The following KSR1 variants were observed in gnomAD, a reference collection of about 807,000 sequenced individuals.
KSR1 encodes kinase suppressor of ras.
In KSR1, 35 loss-of-function variants were observed where a neutral mutation model predicts 92.9. The ratio of observed to expected loss-of-function variants is 0.38; its 90% confidence interval spans 0.29 to 0.50. The LOEUF (loss-of-function observed/expected upper bound fraction) is 0.50, where lower values mean the gene tolerates loss of function less well. Among genes scored for constraint, KSR1 ranks in the 20% least tolerant of loss-of-function variants. The pLI, the probability that KSR1 is intolerant of heterozygous loss-of-function variation, is 0.94. For missense variants in KSR1, 972 were observed against 1,158.5 expected (o/e 0.84, Z 2.34); for synonymous variants, 467 against 472.6 (o/e 0.99, Z 0.15).
chr17:27,479,014 G>T (rs1461394518), intron 1 of KSR1, among the ~76,000 whole-genome samples: 3 of 148,730 alleles, frequency 2.0e-5, no homozygotes, highest in Non-Finnish European at 4.5e-5. Flanking sequence ...CTCCCTCTGT[G>T]CTCTTCCCTC....
intron 16 of KSR1, 62 bp downstream of exon 16, chr17:27,609,391 G>C: frequency 6.3e-7 from 1 of 1,594,726 alleles, no homozygotes; most frequent in Non-Finnish European, 8.6e-7. Context: ...GCAGGGCTGA[G>C]GTCTGGGCAC....
chr17:27,514,933 A>G (rs1428086653), intron 1 of KSR1, among the ~76,000 whole-genome samples: 2 of 152,204 alleles, frequency 1.3e-5, no homozygotes, highest in Admixed American at 1.3e-4. Flanking sequence ...GGAAGTACCA[A>G]GCAATAGGCT....
Position 27,553,989 on chromosome 17 carries a change from C to T in KSR1, c.372+3281C>T, listed in dbSNP as rs147853262. ...CTGTTTCTTAACCCAGACAGTTCTTCGGACTCTGACTCGATACCCACTGCT... is the reference window on the plus strand; with the variant it reads ...CTGTTTCTTAACCCAGACAGTTCTTTGGACTCTGACTCGATACCCACTGCT... On this transcript the variant is annotated intron_variant, in intron 2 of 20. Transcript: ENST00000644974. 7.0e-3 allele frequency among the ~76,000 whole-genome samples: 1,070 copies of T among 152,272 alleles called. 9 individuals are homozygous for T. The highest frequency in any genetic ancestry group is 0.012 in the Non-Finnish European group (830 of 68,018).
At chr17:27,590,171 A>G (rs922285432) in intron 6 of KSR1, among the ~76,000 whole-genome samples, 1 of 152,212 alleles carries the variant, frequency 6.6e-6, no homozygotes, top group African/African-American at 2.4e-5. Context: ...CAGTGCTACC[A>G]TCCAGTGGTT....
intron 1 of KSR1, among the ~76,000 whole-genome samples, chr17:27,457,397 A>G (rs2019228103): frequency 6.6e-6 from 1 of 152,134 alleles, no homozygotes; most frequent in African/African-American, 2.4e-5. Context: ...GTGTTGCTGA[A>G]ACTGCATTTT....
chr17:27,566,259 C>A (rs770648609), intron 2 of KSR1: 27 of 384,596 alleles, frequency 7.0e-5, no homozygotes, highest in Non-Finnish European at 1.1e-4. Context: ...CCTGCTGGAG[C>A]CTGCACATCT....
At position 27,623,482 on chromosome 17, in the gene KSR1, C is replaced by T. The variant is rs928191940; in HGVS notation, c.*90C>T. On this transcript the variant is annotated 3_prime_UTR_variant, in exon 21 of 21. Coordinates refer to ENST00000644974, the MANE Select transcript of KSR1 (RefSeq NM_001394583.1). ...CAACCACCACGACAAAAAAACACTG[C>T]CTGCCCAGCGCTGCAAACCAGGAGC... 2 of 702,712 alleles carry T rather than the reference C, an allele frequency of 2.8e-6. No homozygotes were observed. Among genetic ancestry groups the T allele is most frequent in the African/African-American group, 3.5e-5 (2 of 57,080 alleles). 43.5% of individuals were successfully genotyped at this position (702,712 alleles called of 1,614,324 possible). A position where few individuals can be genotyped will look rare whatever the true frequency, so the allele number is the denominator to read the frequency against.
chr17:27,611,260 C>T lies in KSR1; in HGVS notation c.2358-234C>T, dbSNP rs1331145420. The T allele has an allele frequency of 5.7e-6, 3 of 528,130 alleles. No individual in the cohort carries two copies. The African/African-American group carries it at 5.7e-5, about 10-fold the overall frequency. 32.7% of individuals were successfully genotyped at this position (528,130 alleles called of 1,614,324 possible). On this transcript the variant is annotated intron_variant, in intron 17 of 20. Transcript: ENST00000644974. ...GCTGAGGTCAGAATGACCACCAAGG[C>T]TCCGGTCAAACCTGCGCTGTCTCAG...
Position 27,625,508 on chromosome 17 carries a change from C to T in KSR1, c.*2116C>T, listed in dbSNP as rs1431105666. 2 of 152,228 alleles carry T rather than the reference C, an allele frequency of 1.3e-5. No individual in the cohort carries two copies. The highest frequency in any genetic ancestry group is 1.3e-4 in the Admixed American group (2 of 15,290). The allele number at this position is 152,228 out of a possible 1,614,324, so 9.4% of individuals were successfully genotyped here. ...GTGGGGCCCTGTTGTCTTCAAGGAA[C>T]CCAGAAGCCACTGGGCCCCAAAGGT... On this transcript the variant is annotated 3_prime_UTR_variant, in exon 21 of 21. Transcript: ENST00000644974.
intron 1 of KSR1, among the ~76,000 whole-genome samples, chr17:27,478,356 T>C (rs185788998): frequency 2.2e-4 from 33 of 152,320 alleles, no homozygotes; most frequent in Admixed American, 5.9e-4. Flanking sequence ...TTATTTTGCT[T>C]TTCTGGGTTC....
intron 1 of KSR1, among the ~76,000 whole-genome samples, chr17:27,530,378 G>A (rs572071662): frequency 1.3e-4 from 20 of 151,984 alleles, no homozygotes; most frequent in Admixed American, 1.2e-3. Context: ...CTGGGAGGTC[G>A]AGGCTACACT....
intron 1 of KSR1, among the ~76,000 whole-genome samples, chr17:27,465,879 C>A (rs931037922): frequency 2.6e-5 from 4 of 152,002 alleles, no homozygotes; most frequent in African/African-American, 4.8e-5. Flanking sequence ...AAAAAAGCCA[C>A]CTGAATGTTC....
chr17:27,504,417 A>G (rs2069301798), intron 1 of KSR1, among the ~76,000 whole-genome samples: 1 of 152,076 alleles, frequency 6.6e-6, no homozygotes, highest in African/African-American at 2.4e-5. Context: ...GAGTTGGGAT[A>G]TGGGGGGGAG....
chr17:27,615,694 A>G (rs2074036101), intron 18 of KSR1, among the ~76,000 whole-genome samples: 1 of 152,026 alleles, frequency 6.6e-6, no homozygotes. Flanking sequence ...TTTTCTTTTC[A>G]TTCACTCCTG....
rs369132413 is a variant in KSR1 at position 27,526,070 on chromosome 17, C to CTATT, written c.232-24497_232-24496insATTT. Among the ~76,000 whole-genome samples the CTATT allele has an allele frequency of 6.1e-5, 5 of 81,412 alleles. No homozygotes were observed. In the South Asian group the frequency reaches 2.6e-3, roughly 42 times the overall value. 53.4% of individuals were successfully genotyped at this position (81,412 alleles called of 152,430 possible). A position where few individuals can be genotyped will look rare whatever the true frequency, so the allele number is the denominator to read the frequency against. On this transcript the variant is annotated intron_variant, in intron 1 of 20. Coordinates refer to ENST00000644974, the MANE Select transcript of KSR1 (RefSeq NM_001394583.1). Reference sequence around the variant, plus strand: ...TCTCTCTCTCTCTCTCTCTTTCTTTCTCTTTCTTTCTTTCTTTCTTTCTTT... The same window carrying CTATT: ...TCTCTCTCTCTCTCTCTCTTTCTTTCTATTTCTTTCTTTCTTTCTTTCTTTCTTT...
At chr17:27,458,620 G>A (rs904820718) in intron 1 of KSR1, among the ~76,000 whole-genome samples, 1 of 152,148 alleles carries the variant, frequency 6.6e-6, no homozygotes, top group Non-Finnish European at 1.5e-5. Context: ...TTATTCAGTG[G>A]CTTCCCTCCT....
At chr17:27,467,884 C>T (rs1161541841) in intron 1 of KSR1, among the ~76,000 whole-genome samples, 1 of 150,648 alleles carries the variant, frequency 6.6e-6, no homozygotes, top group Non-Finnish European at 1.5e-5. Context: ...AATCGTGGCT[C>T]ACTGCAAGCT....
chr17:27,528,144 C>T (rs971396696), intron 1 of KSR1, among the ~76,000 whole-genome samples: 1 of 152,156 alleles, frequency 6.6e-6, no homozygotes, highest in Non-Finnish European at 1.5e-5. Context: ...CGGCTCACTG[C>T]GACCTCTGCC....
chr17:27,479,882 A>G (rs1313526969), intron 1 of KSR1, among the ~76,000 whole-genome samples: 1 of 152,018 alleles, frequency 6.6e-6, no homozygotes, highest in Non-Finnish European at 1.5e-5. Context: ...TTAGAGGGTG[A>G]CCTGTGCTGC....
Sources: gnomAD v4.1 joint callset for allele counts (sites outside exome capture counted in the v4.1 genomes callset) on GRCh38, gnomAD v4.1.1 for gene constraint, MANE v1.5 for transcripts, NCBI Gene and HGNC (gene_info 2026-07-23, HGNC 2026-07-21) for gene names.